NALCN: variants seen among roughly 807,000 people sequenced by gnomAD.
NALCN encodes sodium leak channel, non-selective.
NALCN carries 111 observed loss-of-function variants against 225.3 expected under a neutral mutation model. The ratio of observed to expected loss-of-function variants is 0.49; its 90% CI spans 0.42 to 0.58. The LOEUF is 0.58. Ranked by LOEUF, NALCN falls within the 20% of genes least tolerant of loss-of-function variation. The pLI, the probability that NALCN is intolerant of heterozygous loss-of-function variation, is 0.00. For synonymous variants in NALCN, 764 were observed against 769.0 expected (o/e 0.99, Z 0.11); for missense variants, 1,378 against 2,202.4 (o/e 0.63, Z 7.49).
chr13:101,346,087 C>CTCTCTA lies in NALCN; in HGVS notation c.645-668_645-667insTAGAGA. 4.3e-3 allele frequency among the ~76,000 whole-genome samples: 304 copies of CTCTCTA among 70,946 alleles called. 5 individuals are homozygous for CTCTCTA. Among genetic ancestry groups the CTCTCTA allele is most frequent in the Non-Finnish European group, 4.1e-3 (153 of 37,552 alleles). The allele number at this position is 70,946 out of a possible 152,430, so 46.5% of individuals were successfully genotyped here. ...TCTCTCTCTCTCTCTCTCTCTCTCT[C>CTCTCTA]TATATATATATATATATATATATAT... On this transcript the variant is annotated intron_variant, in intron 6 of 43. Transcript: ENST00000251127.
chr13:101,218,097 A>T (rs753217185), intron 13 of NALCN, among the ~76,000 whole-genome samples: 1 of 151,974 alleles, frequency 6.6e-6, no homozygotes, highest in African/African-American at 2.4e-5. Flanking sequence ...CCAATGAGAG[A>T]TGACAGCAAG....
At chr13:101,372,085 G>A (rs2139403690) in intron 6 of NALCN, among the ~76,000 whole-genome samples, 1 of 152,102 alleles carries the variant, frequency 6.6e-6, no homozygotes, top group African/African-American at 2.4e-5. Flanking sequence ...CATATACCCT[G>A]GCATCCCGAA....
rs189779730 is a variant in NALCN at position 101,286,054 on chromosome 13, T to C, written c.1048-2035A>G. Among the ~76,000 whole-genome samples, 425 of 152,342 alleles carry C rather than the reference T, an allele frequency of 2.8e-3. 2 individuals carry two copies. The highest frequency in any genetic ancestry group is 9.9e-3 in the African/African-American group (410 of 41,580). ...GTGTTCTCCCAAGGTCACTTATTTG[T>C]ATGAAATAAGTAAAGGAAATGCAAA... is the stretch of plus-strand genomic sequence containing the variant. On this transcript the variant is annotated intron_variant, in intron 9 of 43. Coordinates refer to ENST00000251127, the MANE Select transcript of NALCN (RefSeq NM_052867.4).
chr13:101,281,967 A>C (rs2043182586), intron 10 of NALCN, among the ~76,000 whole-genome samples: 1 of 152,356 alleles, frequency 6.6e-6, no homozygotes, highest in Admixed American at 6.5e-5. Flanking sequence ...ATATCACCTC[A>C]TATCTGTTAC....
intron 7 of NALCN, among the ~76,000 whole-genome samples, chr13:101,324,486 C>T (rs560657918): frequency 6.6e-6 from 1 of 152,162 alleles, no homozygotes; most frequent in Non-Finnish European, 1.5e-5. Context: ...CCTTGAAGAG[C>T]TCCTTCACAT....
intron 1 of NALCN, among the ~76,000 whole-genome samples, chr13:101,416,072 C>A (rs1319191898): frequency 1.3e-5 from 2 of 151,740 alleles, no homozygotes; most frequent in Admixed American, 1.3e-4. Context: ...TCCCGCGCCC[C>A]GGCCAGGCCG....
intron 18 of NALCN, chr13:101,116,425 G>T: frequency 1.7e-5 from 7 of 400,504 alleles, no homozygotes; most frequent in South Asian, 4.3e-5. Flanking sequence ...TTTAAAATTG[G>T]CCCAAAGATT....
chr13:101,101,405 C>T lies in NALCN; in HGVS notation c.3058-517G>A, dbSNP rs141999923. 1.5e-3 allele frequency among the ~76,000 whole-genome samples: 226 copies of T among 151,370 alleles called. 3 individuals are homozygous for T. Among genetic ancestry groups the T allele is most frequent in the African/African-American group, 5.4e-3 (224 of 41,252 alleles). On this transcript the variant is annotated intron_variant, in intron 26 of 43. Transcript: ENST00000251127. ...AAGCAATTCTACTGCCTCAGCCTCC[C>T]GAGTAGCTGGGACTACAGGCACACG... is the stretch of plus-strand genomic sequence containing the variant.
intron 13 of NALCN, among the ~76,000 whole-genome samples, chr13:101,213,985 C>T (rs535546959): frequency 6.6e-5 from 10 of 152,296 alleles, no homozygotes; most frequent in African/African-American, 2.4e-4. Flanking sequence ...TATAAAGACA[C>T]ATGCACACGT....
At chr13:101,113,838 G>T (rs1325005007) in intron 18 of NALCN, among the ~76,000 whole-genome samples, 2 of 152,208 alleles carry the variant, frequency 1.3e-5, no homozygotes, top group East Asian at 1.9e-4. Flanking sequence ...ATGGCATTTT[G>T]TTATCATTAG....
intron 7 of NALCN, among the ~76,000 whole-genome samples, chr13:101,335,741 T>C (rs1178583802): frequency 6.6e-6 from 1 of 151,908 alleles, no homozygotes; most frequent in Non-Finnish European, 1.5e-5. Flanking sequence ...AAATCTCAAT[T>C]ACATATTTTA....
intron 15 of NALCN, among the ~76,000 whole-genome samples, chr13:101,172,972 A>G (rs1056423969): frequency 1.3e-5 from 2 of 152,208 alleles, no homozygotes; most frequent in African/African-American, 2.4e-5. Flanking sequence ...ATCGATAATA[A>G]AAGACATTAA....
At chr13:101,402,741 A>C (rs1170106649) in intron 1 of NALCN, among the ~76,000 whole-genome samples, 2 of 152,150 alleles carry the variant, frequency 1.3e-5, no homozygotes, top group African/African-American at 4.8e-5. Flanking sequence ...CTTCCCCCGC[A>C]GATGTAGGAA....
intron 14 of NALCN, among the ~76,000 whole-genome samples, chr13:101,184,253 G>A (rs923087026): frequency 6.6e-6 from 1 of 152,202 alleles, no homozygotes; most frequent in Non-Finnish European, 1.5e-5. Context: ...GCTGAAGTCT[G>A]GGAAGTCTCT....
chr13:101,394,202 A>G (rs1336213109), intron 3 of NALCN, among the ~76,000 whole-genome samples: 1 of 152,236 alleles, frequency 6.6e-6, no homozygotes, highest in Non-Finnish European at 1.5e-5. Flanking sequence ...TAAAGTCCAC[A>G]ATAAAAAGTT....
chr13:101,102,287 A>G (rs2034862316), intron 26 of NALCN, among the ~76,000 whole-genome samples: 2 of 152,102 alleles, frequency 1.3e-5, no homozygotes, highest in South Asian at 4.1e-4. Context: ...TGTCTCAAAA[A>G]AAAAGAAAAA....
intron 7 of NALCN, among the ~76,000 whole-genome samples, chr13:101,299,688 T>C (rs1397421708): frequency 1.3e-5 from 2 of 152,208 alleles, no homozygotes; most frequent in African/African-American, 4.8e-5. Context: ...TCAATTCAGC[T>C]ACAAACTTGC....
At chr13:101,059,531 C>G (rs1240913484) in intron 42 of NALCN, among the ~76,000 whole-genome samples, 1 of 152,050 alleles carries the variant, frequency 6.6e-6, no homozygotes, top group Admixed American at 6.5e-5. Flanking sequence ...ACTCTTTAGA[C>G]AAAAATAAAA....
intron 34 of NALCN, among the ~76,000 whole-genome samples, chr13:101,080,757 A>G (rs1473081803): frequency 8.9e-6 from 1 of 112,528 alleles, no homozygotes; most frequent in East Asian, 2.8e-4. Context: ...ATAATTAAAT[A>G]ATTAATTATT....
Sources: gnomAD v4.1 joint callset for allele counts (sites outside exome capture counted in the v4.1 genomes callset) on GRCh38, gnomAD v4.1.1 for gene constraint, MANE v1.5 for transcripts, NCBI Gene and HGNC (gene_info 2026-07-23, HGNC 2026-07-21) for gene names.